Variants in RPRD2 observed in about 807,000 individuals in gnomAD.
RPRD2 encodes the protein regulation of nuclear pre-mRNA domain containing 2, also known as regulation of nuclear pre-mRNA domain-containing protein 2.
RPRD2 carries 12 observed loss-of-function variants against 104.4 expected under a neutral mutation model. The observed-to-expected ratio is 0.11, with a 90% confidence interval of 0.07 to 0.19. The LOEUF is 0.19. RPRD2 is among the 10% of genes least tolerant of loss of function. RPRD2 has a pLI of 1.00. For synonymous variants in RPRD2, 714 were observed against 684.9 expected, an observed-to-expected ratio of 1.04 and a Z score of -0.66; for missense variants, 1,543 against 1,790.1, an observed-to-expected ratio of 0.86 and a Z score of 2.49.
At position 150,364,896 on chromosome 1, in the gene RPRD2, A is replaced by G; in HGVS notation, c.182A>G (p.His61Arg). The G allele has an allele frequency of 6.2e-7, 1 of 1,613,988 alleles. No individual in the cohort carries two copies. ...AAACACCACAGTACTATCGTCTATC[A>G]TTGGATGAAGTGGCTCCGGAGATGT... ...NKKHHSTIVY[H>R]WMKWLRRSAY... Residue 61 changes from histidine to arginine, a missense_variant, in exon 1 of 11, where the codon CAT becomes CGT. Coordinates refer to ENST00000369068, the MANE Select transcript of RPRD2 (RefSeq NM_015203.5).
Position 150,441,001 on chromosome 1 carries a change from T to A in RPRD2, c.414T>A (p.Ile138=). 1 of 1,570,862 alleles carries A rather than the reference T, an allele frequency of 6.4e-7. No individual in the cohort carries two copies. Among genetic ancestry groups the A allele is most frequent in the Non-Finnish European group, 8.7e-7 (1 of 1,155,414 alleles). The change falls in exon 3 of 11, where the codon ATT becomes ATA. Residue 138 remains isoleucine, a synonymous_variant. Transcript: ENST00000369068. The stretch of plus-strand genomic sequence containing the variant: ...GAAATGTATACCCAGAAGAAATGAT[T>A]GTGGCATTGAGAGAAGCTTTGAGTA... ...EDRNVYPEEM[I]VALREALSTT...
intron 1 of RPRD2, among the ~76,000 whole-genome samples, chr1:150,380,912 C>G (rs1433296855): frequency 6.6e-6 from 1 of 152,160 alleles, no homozygotes; most frequent in African/African-American, 2.4e-5. Flanking sequence ...GGCTTGGCCT[C>G]CCAAAGTGCT....
chr1:150,416,889 AAAC>A (rs1240631445), intron 1 of RPRD2, among the ~76,000 whole-genome samples: 2 of 151,108 alleles, frequency 1.3e-5, no homozygotes, highest in South Asian at 2.1e-4. Flanking sequence ...AAAAAAAAAA[AAAC>A]AAAAAGAAGA....
chr1:150,462,537 A>G (rs1161872373), intron 9 of RPRD2, among the ~76,000 whole-genome samples: 8 of 151,936 alleles, frequency 5.3e-5, no homozygotes, highest in Middle Eastern at 3.4e-3. Context: ...AACCTTTTTA[A>G]TGGAATTTTA....
chr1:150,467,369 T>G (rs2102433777), intron 10 of RPRD2, among the ~76,000 whole-genome samples: 1 of 152,240 alleles, frequency 6.6e-6, no homozygotes, highest in South Asian at 2.1e-4. Flanking sequence ...TCCCTTTTTA[T>G]TTTTATTTGT....
intron 1 of RPRD2, among the ~76,000 whole-genome samples, chr1:150,394,058 TC>T (rs1662299470): frequency 6.6e-6 from 1 of 152,184 alleles, no homozygotes; most frequent in Non-Finnish European, 1.5e-5. Context: ...TCTTCTCTTT[TC>T]TTTTGAGACG....
intron 1 of RPRD2, among the ~76,000 whole-genome samples, chr1:150,377,673 A>T (rs1403297831): frequency 6.6e-6 from 1 of 151,928 alleles, no homozygotes; most frequent in Non-Finnish European, 1.5e-5. Context: ...GTATAATAAT[A>T]TGAGTTTTAT....
intron 2 of RPRD2, among the ~76,000 whole-genome samples, chr1:150,422,782 A>G (rs1553889959): frequency 6.6e-6 from 1 of 152,216 alleles, no homozygotes; most frequent in East Asian, 1.9e-4. Flanking sequence ...TATTAGGGAC[A>G]TTAATTTTAT....
intron 1 of RPRD2, among the ~76,000 whole-genome samples, chr1:150,366,812 G>T (rs1224429448): frequency 6.6e-6 from 1 of 152,152 alleles, no homozygotes; most frequent in African/African-American, 2.4e-5. Flanking sequence ...CATTTTTACT[G>T]ACCTATGCAA....
In RPRD2 at chr1:150,457,281, C is replaced by A; in HGVS notation, c.871-7C>A. The A allele has an allele frequency of 6.2e-7, 1 of 1,604,840 alleles. No individual in the cohort carries two copies. The highest frequency in any genetic ancestry group is 1.7e-4 in the Middle Eastern group (1 of 6,018). ...TCCAAGGAGTAAACTCCTTTTTTCT[C>A]TTTTAGGCATATAAAACCTTTGCTA... On this transcript the variant is annotated splice_region_variant and splice_polypyrimidine_tract_variant and intron_variant, in intron 7 of 10. Transcript: ENST00000369068.
intron 1 of RPRD2, among the ~76,000 whole-genome samples, chr1:150,373,558 T>G (rs1660484041): frequency 6.7e-6 from 1 of 150,130 alleles, no homozygotes; most frequent in African/African-American, 2.5e-5. Context: ...TTTTTTTAGC[T>G]TGAGCAACTA....
In RPRD2 at chr1:150,432,298, A is replaced by T. The variant is rs10888580; in HGVS notation, c.336-8625A>T. Among the ~76,000 whole-genome samples the T allele has an allele frequency of 1.3e-3, 204 of 152,248 alleles. 6 individuals carry two copies. The East Asian group carries it at 0.034, about 26-fold the overall frequency. ...ATTGTATGATTACATTTATCAAAAT[A>T]CCTAGAATTGTTAGGTCCATAGAGA... On this transcript the variant is annotated intron_variant, in intron 2 of 10. Coordinates refer to ENST00000369068, the MANE Select transcript of RPRD2 (RefSeq NM_015203.5).
intron 2 of RPRD2, among the ~76,000 whole-genome samples, chr1:150,433,666 A>G (rs112655945): frequency 1.1e-3 from 162 of 148,462 alleles, no homozygotes; most frequent in African/African-American, 2.6e-3. Context: ...GGATGGTCTC[A>G]ATCTGCAGAC....
intron 1 of RPRD2, among the ~76,000 whole-genome samples, chr1:150,401,290 C>T (rs1432020914): frequency 1.3e-5 from 2 of 152,106 alleles, no homozygotes; most frequent in Non-Finnish European, 2.9e-5. Context: ...GAGTTTGAGG[C>T]CAGCCTGGCC....
intron 1 of RPRD2, among the ~76,000 whole-genome samples, chr1:150,379,410 A>G (rs1256959694): frequency 6.6e-6 from 1 of 150,402 alleles, no homozygotes; most frequent in Non-Finnish European, 1.5e-5. Flanking sequence ...TTATTTACGT[A>G]TTTTTTTTTG....
chr1:150,440,363 C>G (rs1212686875), intron 2 of RPRD2, among the ~76,000 whole-genome samples: 3 of 152,290 alleles, frequency 2.0e-5, no homozygotes, highest in African/African-American at 7.2e-5. Context: ...CCACTGTGCC[C>G]AGCCAACATT....
chr1:150,364,832 T>G lies in RPRD2; in HGVS notation c.118T>G (p.Ser40Ala). Residue 40 changes from serine to alanine, a missense_variant, in exon 1 of 11, where the codon TCC (serine) becomes GCC (alanine). Physicochemically the swap from Ser to Ala is moderately conservative, Grantham distance 99. Coordinates refer to ENST00000369068, the MANE Select transcript of RPRD2 (RefSeq NM_015203.5). ...CCAGTCGGTAACCAACACCATGGAG[T>G]CCATTCAAGGCTTGTCGTCTTGGTG... The part of the protein sequence containing the change: ...KFQSVTNTME[S>A]IQGLSSWCIE... 1.9e-6 allele frequency: 3 copies of G among 1,613,516 alleles called. No individual in the cohort carries two copies. Among genetic ancestry groups the G allele is most frequent in the Non-Finnish European group, 2.5e-6 (3 of 1,179,710 alleles).
In RPRD2 at chr1:150,406,806, C is replaced by T. The variant is rs782314827; in HGVS notation, c.206-10790C>T. 2.5e-4 allele frequency among the ~76,000 whole-genome samples: 38 copies of T among 152,270 alleles called. No individual in the cohort carries two copies. In the Middle Eastern group the frequency reaches 0.014, roughly 55 times the overall value. ...CTCGGCTCATTGCAACCTCCGTCTGCTGGGTTCAAGTGATTCTCCTGGCTC... is the reference window on the plus strand; with the variant it reads ...CTCGGCTCATTGCAACCTCCGTCTGTTGGGTTCAAGTGATTCTCCTGGCTC... On this transcript the variant is annotated intron_variant, in intron 1 of 10. Coordinates refer to ENST00000369068, the MANE Select transcript of RPRD2 (RefSeq NM_015203.5).
intron 1 of RPRD2, among the ~76,000 whole-genome samples, chr1:150,397,314 T>C (rs1253843572): frequency 2.0e-5 from 3 of 152,204 alleles, no homozygotes; most frequent in Non-Finnish European, 4.4e-5. Context: ...GTTTTGCTTT[T>C]TTTGGGTGGT....
Sources: allele counts gnomAD v4.1 joint callset (sites outside exome capture counted in the v4.1 genomes callset), GRCh38; gene constraint gnomAD v4.1.1; transcripts MANE v1.5; gene names NCBI Gene and HGNC (gene_info 2026-07-23, HGNC 2026-07-21).